TRPC4: variants seen among roughly 807,000 people sequenced by gnomAD.
The protein encoded by TRPC4 is short transient receptor potential channel 4.
In TRPC4, 49 loss-of-function variants were observed where a neutral mutation model predicts 99.4. That is an observed-to-expected ratio of 0.49 (90% CI 0.39 to 0.63). TRPC4 has a LOEUF of 0.63. Ranked by LOEUF, TRPC4 falls within the 20% of genes least tolerant of loss-of-function variation. TRPC4 has a pLI of 0.00. For synonymous variants in TRPC4, 454 were observed against 425.9 expected (o/e 1.07, Z -0.81); for missense variants, 898 against 1,152.9 (o/e 0.78, Z 3.20).
intron 2 of TRPC4, among the ~76,000 whole-genome samples, chr13:37,762,430 C>T (rs34907223): frequency 0.3 from 45,535 of 150,932 alleles, 8,136 homozygotes; most frequent in Non-Finnish European, 0.42. Context: ...ATGTTTATTG[C>T]GGCACTATTC....
At chr13:37,688,641 T>G (rs1953573923) in intron 4 of TRPC4, among the ~76,000 whole-genome samples, 1 of 152,204 alleles carries the variant, frequency 6.6e-6, no homozygotes, top group South Asian at 2.1e-4. Flanking sequence ...CAAGAAATTA[T>G]GAATGCGAGG....
Position 37,852,704 on chromosome 13 carries a change from C to T in TRPC4, c.-28+16891G>A, listed in dbSNP as rs745953880. 8.1e-4 allele frequency among the ~76,000 whole-genome samples: 123 copies of T among 152,250 alleles called. 1 individual carries two copies. The highest frequency in any genetic ancestry group is 1.6e-3 in the Non-Finnish European group (107 of 68,022). On this transcript the variant is annotated intron_variant, in intron 1 of 10. Transcript: ENST00000379705. Reference sequence around the variant, plus strand: ...GGCCCGGGCTCCTAGCATTTCTAGGCCTGTCCTGGGCCAGAAGGGAGCCCG... The same window carrying T: ...GGCCCGGGCTCCTAGCATTTCTAGGTCTGTCCTGGGCCAGAAGGGAGCCCG...
At chr13:37,674,436 T>A (rs1952974583) in intron 4 of TRPC4, 69 bp from the exon 5 acceptor site, 1 of 1,511,054 alleles carries the variant, frequency 6.6e-7, no homozygotes, top group Admixed American at 2.2e-5. Context: ...ATATACAATT[T>A]AACAATTATA....
intron 1 of TRPC4, among the ~76,000 whole-genome samples, chr13:37,866,723 G>T (rs945230231): frequency 6.6e-6 from 1 of 151,274 alleles, no homozygotes; most frequent in East Asian, 1.9e-4. Context: ...CCTCTGGAAG[G>T]GTGAGAAATA....
chr13:37,742,879 T>C (rs1009704676), intron 3 of TRPC4, among the ~76,000 whole-genome samples: 3 of 152,182 alleles, frequency 2.0e-5, no homozygotes, highest in Non-Finnish European at 2.9e-5. Flanking sequence ...CAACTTATGA[T>C]TTTAAAAGGT....
chr13:37,726,841 A>T (rs1253032988), intron 3 of TRPC4, among the ~76,000 whole-genome samples: 2 of 152,160 alleles, frequency 1.3e-5, no homozygotes, highest in African/African-American at 4.8e-5. Context: ...TAAATAAAAA[A>T]GGTGAAAAAA....
chr13:37,730,466 A>G (rs1955207875), intron 3 of TRPC4, among the ~76,000 whole-genome samples: 1 of 151,914 alleles, frequency 6.6e-6, no homozygotes, highest in Non-Finnish European at 1.5e-5. Context: ...GGTTAAATTA[A>G]CTGTCTTTTC....
At chr13:37,775,218 A>C (rs1278906168) in intron 2 of TRPC4, among the ~76,000 whole-genome samples, 1 of 151,750 alleles carries the variant, frequency 6.6e-6, no homozygotes, top group Non-Finnish European at 1.5e-5. Flanking sequence ...GCACACATGC[A>C]TTATTAATTT....
intron 1 of TRPC4, among the ~76,000 whole-genome samples, chr13:37,855,316 C>CATGTAGATATATACA (rs1360624702): frequency 1.0e-4 from 14 of 136,900 alleles, no homozygotes; most frequent in African/African-American, 4.3e-4. Context: ...TATATATACA[C>CATGTAGATATATACA]ATGTAGATAT....
rs1283718562 is a variant in TRPC4 at position 37,822,058 on chromosome 13, C to T, written c.-27-38698G>A. On this transcript the variant is annotated intron_variant, in intron 1 of 10. Transcript: ENST00000379705. ...ATGGGGAAAATATTTGAAAAAAATG[C>T]ATTTGACAAAGGTCTAATATCCAGA... 2.6e-5 allele frequency among the ~76,000 whole-genome samples: 4 copies of T among 152,028 alleles called. No individual in the cohort carries two copies. In the East Asian group the frequency reaches 7.8e-4, roughly 29 times the overall value.
chr13:37,645,420 A>T (rs28706203), intron 8 of TRPC4, among the ~76,000 whole-genome samples: 2 of 152,286 alleles, frequency 1.3e-5, no homozygotes, highest in East Asian at 3.9e-4. Context: ...CTCCAGGTCC[A>T]CTATGTGGAA....
intron 6 of TRPC4, among the ~76,000 whole-genome samples, chr13:37,661,769 G>C (rs1952446929): frequency 6.6e-6 from 1 of 150,900 alleles, no homozygotes; most frequent in African/African-American, 2.4e-5. Flanking sequence ...CGTTTCCCTG[G>C]CCAAGTTGCA....
chr13:37,665,298 A>T (rs1593465445), intron 5 of TRPC4, among the ~76,000 whole-genome samples: 2 of 152,204 alleles, frequency 1.3e-5, no homozygotes, highest in East Asian at 3.8e-4. Flanking sequence ...CAGCGATACA[A>T]TTAGCTCATA....
At chr13:37,746,592 A>G (rs1174300276) in intron 2 of TRPC4, 137 bp from the exon 3 acceptor site, 19 of 927,618 alleles carry the variant, frequency 2.0e-5, no homozygotes, top group Non-Finnish European at 2.7e-5. Context: ...TAGGAGAGAT[A>G]TGGTCTTTTC....
intron 4 of TRPC4, among the ~76,000 whole-genome samples, chr13:37,688,315 CAAG>C (rs879753818): frequency 6.6e-6 from 1 of 152,112 alleles, no homozygotes; most frequent in Non-Finnish European, 1.5e-5. Flanking sequence ...TGAACTTCAA[CAAG>C]AAAGATACTG....
At chr13:37,789,177 C>A (rs1957047510) in intron 1 of TRPC4, among the ~76,000 whole-genome samples, 1 of 152,130 alleles carries the variant, frequency 6.6e-6, no homozygotes, top group Admixed American at 6.6e-5. Flanking sequence ...ATACTGATTA[C>A]TCCATGATCT....
At chr13:37,806,523 C>G (rs1847998120) in intron 1 of TRPC4, among the ~76,000 whole-genome samples, 1 of 152,012 alleles carries the variant, frequency 6.6e-6, no homozygotes, top group African/African-American at 2.4e-5. Flanking sequence ...CTTATCGATA[C>G]CACAGAAGCC....
At chr13:37,714,085 C>CTTTCT (rs1301982170) in intron 3 of TRPC4, among the ~76,000 whole-genome samples, 5 of 151,278 alleles carry the variant, frequency 3.3e-5, no homozygotes, top group Admixed American at 2.6e-4. Flanking sequence ...CCCTTTCTCC[C>CTTTCT]TTTCTTTTCT....
intron 1 of TRPC4, among the ~76,000 whole-genome samples, chr13:37,806,332 G>A (rs1593785924): frequency 1.3e-5 from 2 of 151,986 alleles, no homozygotes; most frequent in Admixed American, 6.6e-5. Context: ...ATTTTACACA[G>A]TGTGAGTTCC....
Sources: gnomAD v4.1 joint callset for allele counts (sites outside exome capture counted in the v4.1 genomes callset) on GRCh38, gnomAD v4.1.1 for gene constraint, MANE v1.5 for transcripts, NCBI Gene and HGNC (gene_info 2026-07-23, HGNC 2026-07-21) for gene names.